The following FAT3 variants were observed in gnomAD, a reference collection of about 807,000 sequenced individuals.
FAT3 encodes protocadherin Fat 3.
Under a neutral mutation model 310.2 loss-of-function variants are expected in FAT3, and 95 were observed. The ratio of observed to expected loss-of-function variants is 0.31; its 90% CI spans 0.26 to 0.36. The LOEUF is 0.36. Ranked by LOEUF, FAT3 falls within the 10% of genes least tolerant of loss-of-function variation. The probability of loss-of-function intolerance (pLI) is 1.00; values close to 1 mark genes in which losing one functional copy is unlikely to be tolerated. For missense variants in FAT3, 5,408 were observed against 5,715.6 expected (o/e 0.95, Z 1.74); for synonymous variants, 2,314 against 2,192.9 (o/e 1.06, Z -1.54).
intron 1 of FAT3, among the ~76,000 whole-genome samples, chr11:92,289,106 C>G (rs11827264): frequency 6.6e-6 from 1 of 152,066 alleles, no homozygotes; most frequent in Non-Finnish European, 1.5e-5. Flanking sequence ...TGAAAAGAAT[C>G]ATAAATATCC....
intron 2 of FAT3, among the ~76,000 whole-genome samples, chr11:92,395,419 A>G (rs1038662932): frequency 3.3e-5 from 5 of 152,156 alleles, no homozygotes; most frequent in African/African-American, 1.2e-4. Context: ...GCTGTATGCA[A>G]TTATGCCCAG....
intron 3 of FAT3, among the ~76,000 whole-genome samples, chr11:92,550,910 C>A (rs1954791765): frequency 6.6e-6 from 1 of 151,560 alleles, no homozygotes; most frequent in African/African-American, 2.4e-5. Flanking sequence ...TATTGAAATG[C>A]AAATCTTTCC....
intron 2 of FAT3, among the ~76,000 whole-genome samples, chr11:92,407,403 C>G (rs778153401): frequency 6.6e-6 from 1 of 152,130 alleles, no homozygotes; most frequent in Non-Finnish European, 1.5e-5. Flanking sequence ...ACCGACAACA[C>G]TGACTACAAC....
intron 13 of FAT3, among the ~76,000 whole-genome samples, chr11:92,824,263 A>C (rs936688894): frequency 5.9e-5 from 9 of 152,116 alleles, no homozygotes; most frequent in Non-Finnish European, 1.0e-4. Context: ...AGGCTGAGGC[A>C]GGAGAAACGC....
chr11:92,486,717 T>C (rs906715939), intron 2 of FAT3, among the ~76,000 whole-genome samples: 5 of 152,200 alleles, frequency 3.3e-5, no homozygotes, highest in African/African-American at 1.2e-4. Context: ...AGTCTTTGTC[T>C]GGCTTTGCAT....
intron 3 of FAT3, among the ~76,000 whole-genome samples, chr11:92,598,667 G>A (rs1939848116): frequency 6.6e-6 from 1 of 152,180 alleles, no homozygotes; most frequent in Non-Finnish European, 1.5e-5. Flanking sequence ...AGGAACAATG[G>A]AAGCCTGATC....
At chr11:92,485,029 T>A (rs1170375030) in intron 2 of FAT3, among the ~76,000 whole-genome samples, 1 of 152,262 alleles carries the variant, frequency 6.6e-6, no homozygotes, top group Non-Finnish European at 1.5e-5. Context: ...ACAAGATTTT[T>A]GGGTTAAAGA....
At chr11:92,797,802 G>A (rs376955476) in intron 9 of FAT3, 34 bp from the exon 10 acceptor site, 5 of 1,573,374 alleles carry the variant, frequency 3.2e-6, no homozygotes, top group African/African-American at 1.4e-5. Context: ...TGACCCACAT[G>A]TAACTCATTT....
chr11:92,239,906 T>G (rs1022690585), intron 1 of FAT3, among the ~76,000 whole-genome samples: 3 of 152,128 alleles, frequency 2.0e-5, no homozygotes, highest in African/African-American at 7.2e-5. Flanking sequence ...ACTAAAAGGC[T>G]TCCTGTTTCA....
At chr11:92,878,570 T>C (rs1048700442) in intron 22 of FAT3, among the ~76,000 whole-genome samples, 1 of 136,694 alleles carries the variant, frequency 7.3e-6, no homozygotes, top group Non-Finnish European at 1.5e-5. Context: ...AAAGTATTAT[T>C]AATATCCTCA....
Position 92,790,069 on chromosome 11 carries a change from G to T in FAT3, c.4462G>T (p.Asp1488Tyr). ...EILQIEATDR[D>Y]EKHKLSYTVH... is the part of the protein sequence containing the mutation. Reference sequence around the variant, plus strand: ...CCTGCAGATTGAAGCCACAGATAGAGATGAGAAGCACAAGCTGAGCTACAC... The same window carrying T: ...CCTGCAGATTGAAGCCACAGATAGATATGAGAAGCACAAGCTGAGCTACAC... The change falls in exon 8 of 28, where the codon GAT becomes TAT. Residue 1488 changes from aspartate to tyrosine, a missense_variant. Coordinates refer to ENST00000525166, the MANE Select transcript of FAT3 (RefSeq NM_001367949.2). 6.2e-7 allele frequency: 1 copy of T among 1,613,850 alleles called. No individual in the cohort carries two copies. The highest frequency in any genetic ancestry group is 8.5e-7 in the Non-Finnish European group (1 of 1,179,768).
intron 2 of FAT3, among the ~76,000 whole-genome samples, chr11:92,457,929 A>AAAAT (rs1406705967): frequency 3.3e-5 from 5 of 152,184 alleles, no homozygotes; most frequent in South Asian, 2.1e-4. Flanking sequence ...CTCAAAAAAC[A>AAAAT]AAATAAATAA....
chr11:92,809,319 T>C (rs1947600055), intron 12 of FAT3, among the ~76,000 whole-genome samples: 1 of 152,216 alleles, frequency 6.6e-6, no homozygotes, highest in African/African-American at 2.4e-5. Flanking sequence ...TTCAAGACCC[T>C]GCCCCGCTAA....
At chr11:92,578,322 G>A (rs1938598801) in intron 3 of FAT3, among the ~76,000 whole-genome samples, 1 of 151,978 alleles carries the variant, frequency 6.6e-6, no homozygotes, top group African/African-American at 2.4e-5. Context: ...AAAATTCAGG[G>A]TCTTGAGGGT....
At position 92,466,733 on chromosome 11, in the gene FAT3, TC is replaced by T. The variant is rs755930062; in HGVS notation, c.3293-57895del. 1.7e-3 allele frequency among the ~76,000 whole-genome samples: 120 copies of T among 72,552 alleles called. 1 individual carries two copies. The East Asian group carries it at 0.026, about 16-fold the overall frequency. The allele number at this position is 72,552 out of a possible 152,430, so 47.6% of individuals were successfully genotyped here. A position where few individuals can be genotyped will look rare whatever the true frequency, so the allele number is the denominator to read the frequency against. On this transcript the variant is annotated intron_variant, in intron 2 of 27. Coordinates refer to ENST00000525166, the MANE Select transcript of FAT3 (RefSeq NM_001367949.2). ...ATCTCCTAATGCTATCCCTCCCCCCTCCCCCCACCCCACAACAGTCCCCAGA... is the reference window on the plus strand; with the variant it reads ...ATCTCCTAATGCTATCCCTCCCCCCTCCCCCACCCCACAACAGTCCCCAGA...
intron 5 of FAT3, 21 bp from the exon 6 acceptor site, chr11:92,764,858 C>T: frequency 6.2e-7 from 1 of 1,608,882 alleles, no homozygotes; most frequent in African/African-American, 1.3e-5. Context: ...ACATCTTTCT[C>T]TTCTCTCCCT....
At chr11:92,575,422 T>C (rs1034117523) in intron 3 of FAT3, among the ~76,000 whole-genome samples, 12 of 152,214 alleles carry the variant, frequency 7.9e-5, no homozygotes, top group Non-Finnish European at 1.5e-4. Flanking sequence ...ATGTATAAGA[T>C]GAATCAAATT....
chr11:92,869,265 A>G (rs1949325590), intron 22 of FAT3, among the ~76,000 whole-genome samples: 1 of 152,224 alleles, frequency 6.6e-6, no homozygotes, highest in African/African-American at 2.4e-5. Context: ...CTGCAGGAGC[A>G]TCCCGCACCA....
intron 25 of FAT3, among the ~76,000 whole-genome samples, chr11:92,887,667 A>G (rs776201651): frequency 1.3e-5 from 2 of 152,148 alleles, no homozygotes; most frequent in Admixed American, 1.3e-4. Flanking sequence ...TGTTGCATGC[A>G]ATTTCTCGTG....
Sources: allele counts gnomAD v4.1 joint callset (sites outside exome capture counted in the v4.1 genomes callset), GRCh38; gene constraint gnomAD v4.1.1; transcripts MANE v1.5; gene names NCBI Gene and HGNC (gene_info 2026-07-23, HGNC 2026-07-21).